The following FAT4 variants were observed in gnomAD, a reference collection of about 807,000 sequenced individuals.
The protein encoded by FAT4 is protocadherin Fat 4.
In FAT4, 84 loss-of-function variants were observed where a neutral mutation model predicts 303.9. The observed-to-expected ratio is 0.28, with a 90% CI of 0.23 to 0.33. FAT4 has a LOEUF of 0.33. FAT4 is among the 10% of genes least tolerant of loss of function. FAT4 has a pLI of 1.00. For missense variants in FAT4, 6,005 were observed against 6,146.8 expected (o/e 0.98, Z 0.77); for synonymous variants, 2,307 against 2,298.8 (o/e 1.00, Z -0.10).
intron 2 of FAT4, among the ~76,000 whole-genome samples, chr4:125,338,332 C>T (rs992689418): frequency 3.9e-5 from 6 of 152,170 alleles, no homozygotes; most frequent in East Asian, 1.9e-4. Context: ...TAAGGATTTC[C>T]GAATTAGAAG....
intron 2 of FAT4, among the ~76,000 whole-genome samples, chr4:125,341,766 T>C (rs1414226091): frequency 6.6e-6 from 1 of 152,148 alleles, no homozygotes; most frequent in Non-Finnish European, 1.5e-5. Context: ...TTAGCATAAT[T>C]GAAACATGTG....
At chr4:125,354,539 C>A (rs1732353448) in intron 2 of FAT4, among the ~76,000 whole-genome samples, 1 of 151,308 alleles carries the variant, frequency 6.6e-6, no homozygotes, top group Non-Finnish European at 1.5e-5. Context: ...AAAGAGAGTC[C>A]CAGGCCAATT....
chr4:125,413,942 T>TAA (rs1734941409), intron 5 of FAT4, among the ~76,000 whole-genome samples: 2 of 151,990 alleles, frequency 1.3e-5, no homozygotes. Context: ...ACATCTTTAT[T>TAA]AAAGATAGAT....
intron 2 of FAT4, among the ~76,000 whole-genome samples, chr4:125,342,770 T>G (rs897436166): frequency 3.3e-5 from 5 of 151,928 alleles, no homozygotes; most frequent in African/African-American, 9.7e-5. Flanking sequence ...TATATTACTT[T>G]ATAGCTAAGA....
Position 125,491,778 on chromosome 4 carries a change from ACTGG to A in FAT4, c.*12_*15del, listed in dbSNP as rs1345507664. On this transcript the variant is annotated 3_prime_UTR_variant, in exon 18 of 18. Coordinates refer to ENST00000394329, the MANE Select transcript of FAT4 (RefSeq NM_001291303.3). ...AGAACAGTATGTGTGAAGTTTATGT[ACTGG>A]CACTATAAAATATAAAAACAAGAAA... 6.3e-7 allele frequency: 1 copy of A among 1,585,702 alleles called. No homozygotes were observed. The highest frequency in any genetic ancestry group is 8.6e-7 in the Non-Finnish European group (1 of 1,168,514).
At chr4:125,387,976 G>A (rs1733825078) in intron 2 of FAT4, among the ~76,000 whole-genome samples, 1 of 152,178 alleles carries the variant, frequency 6.6e-6, no homozygotes, top group South Asian at 2.1e-4. Context: ...GATAACTGCA[G>A]TTGGGCTTCT....
chr4:125,478,500 A>C (rs868100995), intron 14 of FAT4, among the ~76,000 whole-genome samples: 2 of 152,036 alleles, frequency 1.3e-5, no homozygotes, highest in African/African-American at 4.8e-5. Flanking sequence ...TGTTTCTGTT[A>C]GACCTTATGT....
At chr4:125,443,341 T>C (rs79033360) in intron 8 of FAT4, among the ~76,000 whole-genome samples, 9,880 of 152,232 alleles carry the variant, frequency 0.065, 350 homozygotes, top group Middle Eastern at 0.099. Context: ...AAATTCTATA[T>C]TGACACAACT....
chr4:125,360,975 AT>A (rs1732641966), intron 2 of FAT4, among the ~76,000 whole-genome samples: 1 of 143,292 alleles, frequency 7.0e-6, no homozygotes, highest in Admixed American at 7.0e-5. Flanking sequence ...TTTTATTATT[AT>A]TTATTTTATT....
intron 2 of FAT4, among the ~76,000 whole-genome samples, chr4:125,344,892 C>T (rs999025250): frequency 6.6e-6 from 1 of 152,040 alleles, no homozygotes; most frequent in African/African-American, 2.4e-5. Flanking sequence ...CCATGTCTTA[C>T]AGTGGTGCCT....
rs1215452997 is a variant in FAT4, at chr4:125,468,662, A to G, written c.12056A>G (p.Asn4019Ser). The G allele has an allele frequency of 1.2e-6, 2 of 1,614,040 alleles. No individual in the cohort carries two copies. Among genetic ancestry groups the G allele is most frequent in the African/African-American group, 2.7e-5 (2 of 74,930 alleles). ...SHALLLYNYD[N>S]QTGDRAEFLA... The stretch of plus-strand genomic sequence containing the variant: ...GCCTTATTGCTTTACAACTATGACA[A>G]CCAGACAGGCGACCGGGCTGAGTTT... Residue 4019 changes from asparagine to serine, a missense_variant, in exon 12 of 18, where the codon AAC (asparagine) becomes AGC (serine). Asn to Ser is a conservative substitution (Grantham distance 46). Coordinates refer to ENST00000394329, the MANE Select transcript of FAT4 (RefSeq NM_001291303.3).
At chr4:125,456,662 G>A (rs1726291995) in intron 10 of FAT4, among the ~76,000 whole-genome samples, 1 of 151,786 alleles carries the variant, frequency 6.6e-6, no homozygotes, top group Non-Finnish European at 1.5e-5. Flanking sequence ...AATTTTTTTT[G>A]TAGAGGTAAT....
intron 2 of FAT4, among the ~76,000 whole-genome samples, chr4:125,369,970 C>T (rs894388317): frequency 4.6e-5 from 7 of 151,716 alleles, no homozygotes; most frequent in South Asian, 2.1e-4. Flanking sequence ...TTTTAAAGAC[C>T]GAATAGTATT....
Position 125,491,379 on chromosome 4 carries a change from A to G in FAT4, c.14563A>G (p.Met4855Val), listed in dbSNP as rs1560640910. The G allele has an allele frequency of 1.2e-6, 2 of 1,614,200 alleles. No individual in the cohort carries two copies. Among genetic ancestry groups the G allele is most frequent in the Admixed American group, 1.7e-5 (1 of 60,030 alleles). Residue 4855 changes from methionine (M) to valine (V), a missense_variant, in exon 18 of 18, where the codon ATG (methionine) becomes GTG (valine). Coordinates refer to ENST00000394329, the MANE Select transcript of FAT4 (RefSeq NM_001291303.3). ...CCATGAATCTTTCACTTGCTCAGAA[A>G]TGGAATATGACAGGGAGAAGCCAAT... ...DSHESFTCSE[M>V]EYDREKPMVY...
intron 2 of FAT4, among the ~76,000 whole-genome samples, chr4:125,324,390 G>A (rs556488417): frequency 6.6e-6 from 1 of 152,284 alleles, no homozygotes; most frequent in African/African-American, 2.4e-5. Flanking sequence ...CATATTACCT[G>A]ATGTATAGTA....
In FAT4 at chr4:125,317,483, T is replaced by C. The variant is rs1270798548; in HGVS notation, c.1072T>C (p.Phe358Leu). The change falls in exon 2 of 18, where the codon TTC becomes CTC. Residue 358 changes from phenylalanine to leucine, a missense_variant. Phe to Leu is a conservative substitution (Grantham distance 22). Transcript: ENST00000394329. The surrounding 1 kb of genome is among the most constrained non-coding windows in gnomAD (Gnocchi z 7.0). ...DNDPVVKFRY[F>L]PATSRYASVD... ...TGACCCGGTAGTGAAGTTCCGCTAC[T>C]TCCCGGCCACCTCGCGCTACGCCTC... 1.2e-6 allele frequency: 2 copies of C among 1,613,700 alleles called. No individual in the cohort carries two copies. Among genetic ancestry groups the C allele is most frequent in the South Asian group, 2.2e-5 (2 of 91,084 alleles).
intron 2 of FAT4, among the ~76,000 whole-genome samples, chr4:125,336,487 A>T (rs1262118923): frequency 6.6e-6 from 1 of 152,044 alleles, no homozygotes; most frequent in Admixed American, 6.6e-5. Flanking sequence ...TTGTTAAAAG[A>T]TAGGGTAAGT....
In FAT4 at chr4:125,446,292, G is replaced by GT; in HGVS notation, c.7201dup (p.Tyr2401LeufsTer2). 6.2e-7 allele frequency: 1 copy of GT among 1,611,622 alleles called. No homozygotes were observed. The highest frequency in any genetic ancestry group is 1.1e-5 in the South Asian group (1 of 90,980). ...ATCCCTATTTCTGCTTTCTGCTTTA[G>GT]TTATAGGATCATCGGTGGAAACTCT... is the stretch of plus-strand genomic sequence containing the variant. On this transcript the variant is annotated frameshift_variant and splice_region_variant. Coordinates refer to ENST00000394329, the MANE Select transcript of FAT4 (RefSeq NM_001291303.3). LOFTEE classifies it high-confidence loss of function.
intron 12 of FAT4, among the ~76,000 whole-genome samples, chr4:125,469,662 T>C (rs1174029265): frequency 7.2e-5 from 11 of 152,230 alleles, no homozygotes; most frequent in African/African-American, 2.4e-4. Context: ...CATGTTTGTT[T>C]TGCAAGATTG....
Sources: allele counts gnomAD v4.1 joint callset (sites outside exome capture counted in the v4.1 genomes callset), GRCh38; gene constraint gnomAD v4.1.1; non-coding constraint Gnocchi (gnomAD v3.1); transcripts MANE v1.5; gene names NCBI Gene and HGNC (gene_info 2026-07-23, HGNC 2026-07-21).